Variants in CSNK1G3 observed in about 807,000 individuals in gnomAD.
The protein encoded by CSNK1G3 is casein kinase I isoform gamma-3.
CSNK1G3 carries 23 observed loss-of-function variants against 64.3 expected under a neutral mutation model. The ratio of observed to expected loss-of-function variants is 0.36; its 90% CI spans 0.26 to 0.51. The LOEUF is 0.51. Among genes scored for constraint, CSNK1G3 ranks in the 20% least tolerant of loss-of-function variants. The pLI is 0.96. For missense variants in CSNK1G3, 357 were observed against 510.5 expected (o/e 0.70, Z 2.90); for synonymous variants, 158 against 162.2 (o/e 0.97, Z 0.20).
At chr5:123,527,033 C>T (rs1463903826) in intron 1 of CSNK1G3, among the ~76,000 whole-genome samples, 4 of 152,016 alleles carry the variant, frequency 2.6e-5, no homozygotes, top group African/African-American at 9.7e-5. Context: ...TAGAAGAGTT[C>T]TAGTAGTAAG....
At chr5:123,598,943 G>A (rs1181025956) in intron 10 of CSNK1G3, among the ~76,000 whole-genome samples, 2 of 152,102 alleles carry the variant, frequency 1.3e-5, no homozygotes. Flanking sequence ...AGAAGGTAGA[G>A]TTTAGTTGGG....
intron 6 of CSNK1G3, among the ~76,000 whole-genome samples, chr5:123,584,923 C>G (rs1220078961): frequency 6.6e-6 from 1 of 152,090 alleles, no homozygotes; most frequent in East Asian, 1.9e-4. Flanking sequence ...GATGCCTCTT[C>G]TGTTTCTTCT....
At chr5:123,550,954 A>G (rs1783527726) in intron 2 of CSNK1G3, among the ~76,000 whole-genome samples, 1 of 152,230 alleles carries the variant, frequency 6.6e-6, no homozygotes, top group African/African-American at 2.4e-5. Context: ...TCAAAAAAAG[A>G]TGATCCTTTT....
rs1232412229 is a variant in CSNK1G3 at position 123,531,770 on chromosome 5, T to G, written c.-247-13647T>G. 2.0e-5 allele frequency among the ~76,000 whole-genome samples: 3 copies of G among 152,072 alleles called. No individual in the cohort carries two copies. In the East Asian group the frequency reaches 5.8e-4, roughly 29 times the overall value. ...TTTTATGCTACATTAAATGTATATC[T>G]GTTATTTTTAGTAGTAGATGGATTA... On this transcript the variant is annotated intron_variant, in intron 1 of 12. Coordinates refer to ENST00000345990, the Ensembl canonical transcript of CSNK1G3.
intron 1 of CSNK1G3, among the ~76,000 whole-genome samples, chr5:123,513,778 A>G (rs1044741527): frequency 2.0e-5 from 3 of 152,210 alleles, no homozygotes; most frequent in African/African-American, 7.2e-5. Flanking sequence ...TAAATTTAGA[A>G]GAAAAACATT....
chr5:123,588,157 A>C lies in CSNK1G3; in HGVS notation c.759+4A>C. On this transcript the variant is annotated splice_donor_region_variant and intron_variant, in intron 7 of 12. Transcript: ENST00000345990. ...TCTTCCTTGGCAAGGCTTAAAGGTA[A>C]TTGTTTTTGTGTTTCTTTATTGAAT... is the stretch of plus-strand genomic sequence containing the variant. 1 of 1,581,558 alleles carries C rather than the reference A, an allele frequency of 6.3e-7. No homozygotes were observed. The highest frequency in any genetic ancestry group is 1.7e-4 in the Middle Eastern group (1 of 5,990).
chr5:123,536,313 C>A (rs1477858715), intron 1 of CSNK1G3, among the ~76,000 whole-genome samples: 1 of 151,018 alleles, frequency 6.6e-6, no homozygotes, highest in Non-Finnish European at 1.5e-5. Flanking sequence ...ATGTAGCATA[C>A]TTTTTTTGAT....
chr5:123,579,753 C>T (rs979295762), intron 6 of CSNK1G3, among the ~76,000 whole-genome samples: 6 of 151,974 alleles, frequency 3.9e-5, no homozygotes, highest in African/African-American at 1.4e-4. Context: ...TCTCTCTTTA[C>T]TCCTCTTTCA....
intron 4 of CSNK1G3, among the ~76,000 whole-genome samples, chr5:123,567,456 A>G (rs1442346898): frequency 6.6e-6 from 1 of 152,000 alleles, no homozygotes; most frequent in African/African-American, 2.4e-5. Context: ...CAATAAAAAG[A>G]TTAGCTGGGC....
chr5:123,569,477 T>G (rs1394207170), intron 4 of CSNK1G3, among the ~76,000 whole-genome samples: 2 of 152,222 alleles, frequency 1.3e-5, no homozygotes, highest in African/African-American at 2.4e-5. Context: ...TCTGACTACA[T>G]GCATTGTCTT....
At chr5:123,574,423 A>G (rs569150966) in intron 5 of CSNK1G3, among the ~76,000 whole-genome samples, 2 of 152,334 alleles carry the variant, frequency 1.3e-5, no homozygotes, top group African/African-American at 4.8e-5. Context: ...GATGTTTATA[A>G]TAAAAAAAGG....
At chr5:123,551,518 C>G (rs1581074954) in intron 2 of CSNK1G3, among the ~76,000 whole-genome samples, 1 of 152,094 alleles carries the variant, frequency 6.6e-6, no homozygotes, top group South Asian at 2.1e-4. Context: ...AATATGAATA[C>G]TTCTTTTTTG....
chr5:123,582,436 G>A (rs1482761936), intron 6 of CSNK1G3, among the ~76,000 whole-genome samples: 1 of 152,088 alleles, frequency 6.6e-6, no homozygotes. Context: ...CAGTGTAGCT[G>A]TAATTTTGAA....
intron 4 of CSNK1G3, among the ~76,000 whole-genome samples, chr5:123,561,340 C>T (rs1299591957): frequency 6.6e-6 from 1 of 152,094 alleles, no homozygotes; most frequent in Non-Finnish European, 1.5e-5. Flanking sequence ...GATGAGATCT[C>T]CCTGAGGAGA....
intron 1 of CSNK1G3, among the ~76,000 whole-genome samples, chr5:123,518,558 G>A (rs1353748717): frequency 2.0e-5 from 3 of 152,174 alleles, no homozygotes; most frequent in Non-Finnish European, 4.4e-5. Flanking sequence ...CTTTCTGTCT[G>A]TGTCTCTGGA....
chr5:123,513,675 T>C (rs952733256), intron 1 of CSNK1G3, among the ~76,000 whole-genome samples: 9 of 152,222 alleles, frequency 5.9e-5, no homozygotes, highest in Non-Finnish European at 1.0e-4. Flanking sequence ...GATGGCAAAC[T>C]ATATCTAAGA....
At chr5:123,520,227 T>G (rs1157631462) in intron 1 of CSNK1G3, among the ~76,000 whole-genome samples, 2 of 152,142 alleles carry the variant, frequency 1.3e-5, no homozygotes, top group Non-Finnish European at 2.9e-5. Context: ...TTACCATCAA[T>G]ATATGTAAAT....
At chr5:123,614,528 A>T in exon 13 of CSNK1G3, 7 of 668,052 alleles carry the variant, frequency 1.0e-5, no homozygotes, top group Non-Finnish European at 1.7e-5. Context: ...ATACTTTCAT[A>T]CTTCATTTTG....
intron 6 of CSNK1G3, among the ~76,000 whole-genome samples, chr5:123,578,306 C>T (rs747088049): frequency 1.3e-5 from 2 of 151,700 alleles, no homozygotes. Context: ...TTGTTTGTTT[C>T]ATAATCTTGA....
Sources: gnomAD v4.1 joint callset for allele counts (sites outside exome capture counted in the v4.1 genomes callset) on GRCh38, gnomAD v4.1.1 for gene constraint, MANE v1.5 for transcripts, NCBI Gene and HGNC (gene_info 2026-07-23, HGNC 2026-07-21) for gene names.